Variants in CADPS observed in about 807,000 individuals in gnomAD.
CADPS encodes the protein calcium dependent secretion activator, also known as calcium-dependent secretion activator 1.
In CADPS, 57 loss-of-function variants were observed where a neutral mutation model predicts 167.3. That is an observed-to-expected ratio of 0.34 (90% confidence interval 0.28 to 0.42). The LOEUF is 0.42. CADPS is among the 20% of genes least tolerant of loss of function. The pLI, the probability that CADPS is intolerant of heterozygous loss-of-function variation, is 1.00. For missense variants in CADPS, 1,414 were observed against 1,738.1 expected (o/e 0.81, Z 3.32); for synonymous variants, 676 against 635.3 (o/e 1.06, Z -0.96).
chr3:62,741,548 A>G (rs563308276), intron 3 of CADPS, among the ~76,000 whole-genome samples: 371 of 152,378 alleles, frequency 2.4e-3, no homozygotes, highest in Non-Finnish European at 4.6e-3. Context: ...ATAGATGCAG[A>G]AAAGGCTTTT....
At chr3:62,774,049 A>G (rs893868730) in intron 1 of CADPS, among the ~76,000 whole-genome samples, 5 of 152,160 alleles carry the variant, frequency 3.3e-5, no homozygotes, top group Non-Finnish European at 7.3e-5. Context: ...ATTGATTAAG[A>G]TGGGATTGTC....
intron 3 of CADPS, among the ~76,000 whole-genome samples, chr3:62,730,490 T>C (rs2077561490): frequency 6.6e-6 from 1 of 152,186 alleles, no homozygotes; most frequent in Non-Finnish European, 1.5e-5. Flanking sequence ...TTCCTATGTT[T>C]GGATAATATA....
At position 62,412,699 on chromosome 3, in the gene CADPS, C is replaced by T. The variant is rs1286123109; in HGVS notation, c.3778-9514G>A. Among the ~76,000 whole-genome samples the T allele has an allele frequency of 6.6e-6, 1 of 152,106 alleles. No homozygotes were observed. The highest frequency in any genetic ancestry group is 1.5e-5 in the Non-Finnish European group (1 of 68,028). On this transcript the variant is annotated intron_variant, in intron 28 of 29. Coordinates refer to ENST00000383710, the MANE Select transcript of CADPS (RefSeq NM_003716.4). This position sits in a 1 kb window ranked among gnomAD's most constrained non-coding sequence, Gnocchi z 4.1. The stretch of plus-strand genomic sequence containing the variant: ...GACTCCCGACTTAATGCATTTCAGC[C>T]TTCTAACCCAAGTCAGTCCTGTTGC...
At chr3:62,677,897 C>T (rs1239496752) in intron 3 of CADPS, among the ~76,000 whole-genome samples, 1 of 152,052 alleles carries the variant, frequency 6.6e-6, no homozygotes, top group Non-Finnish European at 1.5e-5. Context: ...CAAGAACAAT[C>T]CAGACAGGTA....
At chr3:62,529,475 T>C (rs1297686889) in intron 13 of CADPS, among the ~76,000 whole-genome samples, 1 of 152,218 alleles carries the variant, frequency 6.6e-6, no homozygotes. Context: ...TGTCATTCCG[T>C]CAGACCTCAC....
At chr3:62,676,721 C>A (rs979601943) in intron 3 of CADPS, among the ~76,000 whole-genome samples, 4 of 152,100 alleles carry the variant, frequency 2.6e-5, no homozygotes, top group Non-Finnish European at 4.4e-5. Context: ...TGAAATTCTG[C>A]CATAGAGATA....
Position 62,438,151 on chromosome 3 carries a change from G to C in CADPS, c.3730C>G (p.Leu1244Val), listed in dbSNP as rs750918281. ...VTFVRHSQDV[L>V]RDKVNEEMYI... The stretch of plus-strand genomic sequence containing the variant: ...ATCTCCTCATTGACCTTATCACGCA[G>C]GACATCCTGAGAATGGCGGACGAAA... Residue 1244 changes from leucine to valine, a missense_variant, in exon 28 of 30, where the codon CTG becomes GTG. By Grantham distance (32) the Leu-to-Val change is conservative. Coordinates refer to ENST00000383710, the MANE Select transcript of CADPS (RefSeq NM_003716.4). The surrounding 1 kb of genome is among the most constrained non-coding windows in gnomAD (Gnocchi z 4.7). The C allele has an allele frequency of 3.1e-6, 5 of 1,613,526 alleles. No individual in the cohort carries two copies.
At chr3:62,620,530 C>T (rs1005176657) in intron 6 of CADPS, among the ~76,000 whole-genome samples, 1 of 152,116 alleles carries the variant, frequency 6.6e-6, no homozygotes, top group African/African-American at 2.4e-5. Flanking sequence ...TGTTTAATTG[C>T]CACAACAACC....
At chr3:62,818,898 T>C (rs1381644407) in intron 1 of CADPS, among the ~76,000 whole-genome samples, 2 of 152,198 alleles carry the variant, frequency 1.3e-5, no homozygotes, top group Non-Finnish European at 2.9e-5. Flanking sequence ...TCAGTAGTAT[T>C]ATTCTGAGTG....
chr3:62,652,823 G>A (rs936937122), intron 4 of CADPS, among the ~76,000 whole-genome samples: 1 of 152,172 alleles, frequency 6.6e-6, no homozygotes, highest in Non-Finnish European at 1.5e-5. Flanking sequence ...TATTTCTCCT[G>A]TAATTTTGTT....
At chr3:62,672,863 C>G (rs1020620125) in intron 3 of CADPS, among the ~76,000 whole-genome samples, 14 of 152,104 alleles carry the variant, frequency 9.2e-5, no homozygotes, top group African/African-American at 3.4e-4. Flanking sequence ...CAAACTCCCA[C>G]AGGGGCCTCC....
intron 11 of CADPS, among the ~76,000 whole-genome samples, chr3:62,549,380 G>C (rs1286851552): frequency 1.3e-5 from 2 of 151,278 alleles, no homozygotes; most frequent in African/African-American, 4.9e-5. Flanking sequence ...GCTGTTTAAG[G>C]AGACAGTTTC....
intron 1 of CADPS, among the ~76,000 whole-genome samples, chr3:62,786,753 TA>T (rs2092472906): frequency 6.6e-6 from 1 of 152,164 alleles, no homozygotes; most frequent in African/African-American, 2.4e-5. Flanking sequence ...GGTTTTGAAC[TA>T]AGAATTTTAG....
rs2068447735 is a variant in CADPS at position 62,514,058 on chromosome 3, G to T, written c.2582-1290C>A. Among the ~76,000 whole-genome samples the T allele has an allele frequency of 6.6e-6, 1 of 152,132 alleles. No individual in the cohort carries two copies. The highest frequency in any genetic ancestry group is 1.9e-4 in the East Asian group (1 of 5,150). On this transcript the variant is annotated intron_variant, in intron 16 of 29. Coordinates refer to ENST00000383710, the MANE Select transcript of CADPS (RefSeq NM_003716.4). The surrounding 1 kb of genome is among the most constrained non-coding windows in gnomAD (Gnocchi z 4.2). ...GACTTTAGTATCTAAGGCTCTTGAGGTATTTCTTCATAAACATAGTCTCCA... is the reference window on the plus strand; with the variant it reads ...GACTTTAGTATCTAAGGCTCTTGAGTTATTTCTTCATAAACATAGTCTCCA...
chr3:62,620,833 C>T (rs1013994444), intron 6 of CADPS, among the ~76,000 whole-genome samples: 41 of 152,170 alleles, frequency 2.7e-4, no homozygotes, highest in African/African-American at 9.7e-4. Context: ...GACTGAGGGC[C>T]TGGAAGGGAT....
intron 12 of CADPS, among the ~76,000 whole-genome samples, chr3:62,535,392 G>T (rs2074478982): frequency 6.6e-6 from 1 of 151,142 alleles, no homozygotes; most frequent in Non-Finnish European, 1.5e-5. Context: ...CTGTGTTTAA[G>T]ACTATTTTAT....
At chr3:62,541,588 T>C (rs997359166) in intron 11 of CADPS, among the ~76,000 whole-genome samples, 21 of 152,160 alleles carry the variant, frequency 1.4e-4, no homozygotes, top group Non-Finnish European at 5.9e-5. Context: ...CAAGTTTGCT[T>C]GGAAGTAATT....
At chr3:62,696,473 A>G (rs1270786271) in intron 3 of CADPS, among the ~76,000 whole-genome samples, 3 of 151,762 alleles carry the variant, frequency 2.0e-5, no homozygotes, top group Non-Finnish European at 4.4e-5. Flanking sequence ...CCTGCCTCTG[A>G]GCTCAGAGGC....
chr3:62,668,901 C>A (rs1439799340), intron 3 of CADPS, among the ~76,000 whole-genome samples: 1 of 152,184 alleles, frequency 6.6e-6, no homozygotes, highest in Non-Finnish European at 1.5e-5. Context: ...AGTCGCACAA[C>A]GATCAGTGAG....
Sources: allele counts gnomAD v4.1 joint callset (sites outside exome capture counted in the v4.1 genomes callset), GRCh38; gene constraint gnomAD v4.1.1; non-coding constraint Gnocchi (gnomAD v3.1); transcripts MANE v1.5; gene names NCBI Gene and HGNC (gene_info 2026-07-23, HGNC 2026-07-21).